ADGRL2: variants seen among roughly 807,000 people sequenced by gnomAD.
ADGRL2 encodes calcium-independent alpha-latrotoxin receptor 2.
ADGRL2 carries 44 observed loss-of-function variants against 157.4 expected under a neutral mutation model. That is an observed-to-expected ratio of 0.28 (90% CI 0.22 to 0.36). The LOEUF (loss-of-function observed/expected upper bound fraction) is 0.36, where lower values mean the gene tolerates loss of function less well. Among genes scored for constraint, ADGRL2 ranks in the 10% least tolerant of loss-of-function variants. The pLI is 1.00. For missense variants in ADGRL2, 1,510 were observed against 1,768.9 expected, an observed-to-expected ratio of 0.85 and a Z score of 2.63; for synonymous variants, 585 against 624.7, an observed-to-expected ratio of 0.94 and a Z score of 0.95.
chr1:81,949,934 G>A (rs1411991777), intron 6 of ADGRL2, among the ~76,000 whole-genome samples: 5 of 152,118 alleles, frequency 3.3e-5, no homozygotes, highest in African/African-American at 9.7e-5. Context: ...ATAAACTTAA[G>A]AGTCATACAG....
rs543645646 is a variant in ADGRL2 at position 81,487,512 on chromosome 1, G to T, written c.-248+42423G>T. 1.3e-4 allele frequency among the ~76,000 whole-genome samples: 20 copies of T among 152,132 alleles called. No homozygotes were observed. The East Asian group carries it at 1.6e-3, about 12-fold the overall frequency. ...ATACAAAAATTAGTTGGGTGTGATG[G>T]TGGGCGCATATAATCCCAGCTACTC... On this transcript the variant is annotated intron_variant, in intron 2 of 24. Transcript: ENST00000370721.
chr1:81,453,145 A>T (rs1243173451), intron 2 of ADGRL2, among the ~76,000 whole-genome samples: 1 of 152,198 alleles, frequency 6.6e-6, no homozygotes, highest in African/African-American at 2.4e-5. Context: ...TCTTATTGTT[A>T]TGTGATACAT....
intron 11 of ADGRL2, among the ~76,000 whole-genome samples, chr1:81,962,317 T>A (rs1200484317): frequency 3.3e-5 from 5 of 152,184 alleles, no homozygotes; most frequent in African/African-American, 1.2e-4. Flanking sequence ...ATGTTAGTTT[T>A]CTCTCCTATG....
intron 17 of ADGRL2, among the ~76,000 whole-genome samples, chr1:81,979,318 A>C (rs996331619): frequency 6.6e-6 from 1 of 151,866 alleles, no homozygotes. Context: ...TTAACAGTTA[A>C]ATGGCAAAAC....
intron 2 of ADGRL2, among the ~76,000 whole-genome samples, chr1:81,531,421 C>T (rs183625036): frequency 7.9e-5 from 12 of 152,300 alleles, no homozygotes; most frequent in Admixed American, 7.8e-4. Context: ...GGTAGGAATT[C>T]TCTCTCTTAT....
intron 3 of ADGRL2, among the ~76,000 whole-genome samples, chr1:81,691,934 A>T (rs2083347799): frequency 6.7e-6 from 1 of 149,100 alleles, no homozygotes; most frequent in Non-Finnish European, 1.5e-5. Flanking sequence ...ATATATATAC[A>T]CATACAGATA....
At chr1:81,892,856 C>G (rs1414018610) in intron 2 of ADGRL2, among the ~76,000 whole-genome samples, 2 of 152,076 alleles carry the variant, frequency 1.3e-5, no homozygotes, top group Non-Finnish European at 1.5e-5. Context: ...CACTAGTAGT[C>G]CAACCCTTAT....
chr1:81,377,618 G>A (rs1008308098), intron 1 of ADGRL2, among the ~76,000 whole-genome samples: 3 of 152,176 alleles, frequency 2.0e-5, no homozygotes, highest in Admixed American at 6.5e-5. Context: ...GTCATGATAC[G>A]CACGTCACCA....
rs545712466 is a variant in ADGRL2 at position 81,320,370 on chromosome 1, C to A, written c.-302+13861C>A. On this transcript the variant is annotated intron_variant, in intron 1 of 24. Coordinates refer to the ADGRL2 transcript ENST00000370721. ...TGCCATTTTGACTTCTCCTGTGAAT[C>A]ATGAATGTCTTAATGGCATCTAGAA... 3.3e-5 allele frequency among the ~76,000 whole-genome samples: 5 copies of A among 152,300 alleles called. No homozygotes were observed. The South Asian group carries it at 8.3e-4, about 25-fold the overall frequency.
chr1:81,347,741 A>G (rs1014623545), intron 1 of ADGRL2, among the ~76,000 whole-genome samples: 2 of 152,218 alleles, frequency 1.3e-5, no homozygotes, highest in Non-Finnish European at 2.9e-5. Context: ...GGCTGAACGA[A>G]CAGTTGATAA....
intron 2 of ADGRL2, among the ~76,000 whole-genome samples, chr1:81,552,106 G>A (rs1260150927): frequency 6.6e-6 from 1 of 152,096 alleles, no homozygotes; most frequent in Non-Finnish European, 1.5e-5. Flanking sequence ...GCTTGTTTGT[G>A]GTATAGATGA....
At chr1:81,821,650 C>T (rs993073011) in intron 1 of ADGRL2, among the ~76,000 whole-genome samples, 2 of 152,098 alleles carry the variant, frequency 1.3e-5, no homozygotes, top group African/African-American at 4.8e-5. Flanking sequence ...TAAATTCATA[C>T]ATTCGAGCTG....
At chr1:81,319,458 G>T in intron 1 of ADGRL2, among the ~76,000 whole-genome samples, 1 of 151,974 alleles carries the variant, frequency 6.6e-6, no homozygotes, top group East Asian at 1.9e-4. Context: ...TGTGAAATAT[G>T]CAGATTTCTC....
chr1:81,873,948 T>TA, intron 2 of ADGRL2, among the ~76,000 whole-genome samples: 1 of 152,202 alleles, frequency 6.6e-6, no homozygotes, highest in Non-Finnish European at 1.5e-5. Flanking sequence ...TATATGTAGG[T>TA]AAAAAAGATG....
intron 11 of ADGRL2, among the ~76,000 whole-genome samples, chr1:81,963,892 C>A (rs1432038497): frequency 6.6e-6 from 1 of 150,856 alleles, no homozygotes; most frequent in Non-Finnish European, 1.5e-5. Flanking sequence ...ATTTAAAATT[C>A]AGTATGTATT....
intron 2 of ADGRL2, among the ~76,000 whole-genome samples, chr1:81,842,139 A>C (rs2092607347): frequency 6.6e-6 from 1 of 151,932 alleles, no homozygotes. Flanking sequence ...GGTTGTGGTG[A>C]GGGTAGGGGT....
intron 2 of ADGRL2, among the ~76,000 whole-genome samples, chr1:81,780,961 A>C (rs2086788377): frequency 6.6e-6 from 1 of 152,114 alleles, no homozygotes; most frequent in South Asian, 2.1e-4. Context: ...AACCTTTCTG[A>C]TTTTAGTTTT....
chr1:81,522,046 C>CCT (rs1045047781), intron 2 of ADGRL2, among the ~76,000 whole-genome samples: 1 of 151,048 alleles, frequency 6.6e-6, no homozygotes, highest in African/African-American at 2.4e-5. Context: ...CTCACTGCAG[C>CCT]CTCTGCCTCC....
chr1:81,874,716 T>C (rs944469816), intron 2 of ADGRL2, among the ~76,000 whole-genome samples: 7 of 151,986 alleles, frequency 4.6e-5, no homozygotes, highest in African/African-American at 1.4e-4. Flanking sequence ...CTTTTTCTTT[T>C]TTTTTCTGAG....
Sources: gnomAD v4.1 joint callset for allele counts (sites outside exome capture counted in the v4.1 genomes callset) on GRCh38, gnomAD v4.1.1 for gene constraint, MANE v1.5 for transcripts, NCBI Gene and HGNC (gene_info 2026-07-23, HGNC 2026-07-21) for gene names.